LRRC20: variants seen among roughly 807,000 people sequenced by gnomAD.
LRRC20 encodes leucine-rich repeat-containing protein 20.
In LRRC20, 11 loss-of-function variants were observed where a neutral mutation model predicts 14.4. That is an observed-to-expected ratio of 0.77 (90% CI 0.48 to 1.27). LRRC20 has a LOEUF of 1.27. Ranked by LOEUF, LRRC20 falls within the 50% of genes most tolerant of loss-of-function variation. The probability of loss-of-function intolerance (pLI) is 0.00; values close to 1 mark genes in which losing one functional copy is unlikely to be tolerated. For synonymous variants in LRRC20, 121 were observed against 107.3 expected, an observed-to-expected ratio of 1.13 and a Z score of -0.79; for missense variants, 219 against 251.2, an observed-to-expected ratio of 0.87 and a Z score of 0.87.
chr10:70,366,097 A>G (rs1843986766), intron 2 of LRRC20, among the ~76,000 whole-genome samples: 1 of 149,422 alleles, frequency 6.7e-6, no homozygotes, highest in Admixed American at 6.7e-5. Flanking sequence ...CAACAACAAA[A>G]AACGAATGGA....
chr10:70,313,912 C>G lies in LRRC20; in HGVS notation c.400+9951G>C, dbSNP rs1430830461. Among the ~76,000 whole-genome samples, 3 of 152,118 alleles carry G rather than the reference C, an allele frequency of 2.0e-5. No homozygotes were observed. The East Asian group carries it at 5.8e-4, about 29-fold the overall frequency. ...GGTATATTAGTCCATTTTTAGGCTG[C>G]TGATAAAGACATACCAGAGGCTGGG... On this transcript the variant is annotated intron_variant, in intron 4 of 4. Transcript: ENST00000446961.
chr10:70,333,744 T>C (rs1227404454), intron 3 of LRRC20, among the ~76,000 whole-genome samples: 4 of 152,224 alleles, frequency 2.6e-5, no homozygotes, highest in Non-Finnish European at 5.9e-5. Flanking sequence ...TGGTACCAGG[T>C]AGGAACTCTT....
intron 4 of LRRC20, among the ~76,000 whole-genome samples, chr10:70,321,829 A>T (rs1421323049): frequency 6.6e-6 from 1 of 152,148 alleles, no homozygotes; most frequent in African/African-American, 2.4e-5. Flanking sequence ...ACCTGTGTCA[A>T]GGGGAGACCA....
intron 4 of LRRC20, among the ~76,000 whole-genome samples, chr10:70,316,526 G>A (rs768414911): frequency 1.8e-4 from 27 of 152,382 alleles, no homozygotes; most frequent in South Asian, 1.0e-3. Context: ...ACAGTTGGAG[G>A]TTTTGGTTCA....
chr10:70,344,888 A>G (rs1457448956), intron 2 of LRRC20, among the ~76,000 whole-genome samples: 1 of 152,206 alleles, frequency 6.6e-6, no homozygotes, highest in Non-Finnish European at 1.5e-5. Context: ...TTTTAAAAAT[A>G]GTTTTGTATG....
chr10:70,346,955 G>A (rs754949212), intron 2 of LRRC20, among the ~76,000 whole-genome samples: 4 of 152,212 alleles, frequency 2.6e-5, no homozygotes, highest in South Asian at 4.1e-4. Flanking sequence ...GCGTGATCTC[G>A]GCTCACTGCT....
chr10:70,302,804 A>G (rs1008507451), intron 4 of LRRC20, among the ~76,000 whole-genome samples: 3 of 149,646 alleles, frequency 2.0e-5, no homozygotes, highest in East Asian at 2.0e-4. Context: ...TCCGCCTCCC[A>G]GGTTCACGCC....
rs1313932694 is a variant in LRRC20, at chr10:70,300,399, G to A, written c.*955C>T. ...GGCCTCAGAAGAACCAGGTCATCAG[G>A]GCTTTGGGCGTTGGCCTGGGAGCTG... On this transcript the variant is annotated 3_prime_UTR_variant, in exon 5 of 5. Transcript: ENST00000446961. 9.1e-6 allele frequency: 9 copies of A among 985,496 alleles called. No homozygotes were observed. The highest frequency in any genetic ancestry group is 9.6e-6 in the Non-Finnish European group (8 of 829,976). The allele number at this position is 985,496 out of a possible 1,614,324, so 61.0% of individuals were successfully genotyped here.
intron 3 of LRRC20, among the ~76,000 whole-genome samples, chr10:70,329,046 C>T (rs1842434221): frequency 6.6e-6 from 1 of 152,182 alleles, no homozygotes; most frequent in Non-Finnish European, 1.5e-5. Context: ...AACTGTGACA[C>T]ATGGATTGCA....
intron 3 of LRRC20, among the ~76,000 whole-genome samples, chr10:70,325,204 G>A (rs1465997033): frequency 6.6e-6 from 1 of 152,206 alleles, no homozygotes; most frequent in Non-Finnish European, 1.5e-5. Context: ...CTCATGATCA[G>A]AAGGGCCCCG....
At chr10:70,375,596 A>G (rs1001252287) in intron 2 of LRRC20, among the ~76,000 whole-genome samples, 1 of 152,032 alleles carries the variant, frequency 6.6e-6, no homozygotes, top group East Asian at 1.9e-4. Flanking sequence ...ACACACCCCT[A>G]CCTGCCTGTG....
intron 3 of LRRC20, among the ~76,000 whole-genome samples, chr10:70,324,282 G>A (rs1842229602): frequency 6.6e-6 from 1 of 152,230 alleles, no homozygotes; most frequent in African/African-American, 2.4e-5. Context: ...CTTTGGAATG[G>A]AAGGCTCTCC....
intron 4 of LRRC20, among the ~76,000 whole-genome samples, chr10:70,310,830 C>T (rs1841626732): frequency 6.6e-6 from 1 of 152,222 alleles, no homozygotes; most frequent in African/African-American, 2.4e-5. Flanking sequence ...AGGGCCAGGC[C>T]TCTGTGGACC....
chr10:70,318,220 G>T (rs10999266), intron 4 of LRRC20, among the ~76,000 whole-genome samples: 1 of 152,124 alleles, frequency 6.6e-6, no homozygotes, highest in East Asian at 1.9e-4. Flanking sequence ...TCAGAAAGCC[G>T]GGGGTCAGGG....
intron 3 of LRRC20, among the ~76,000 whole-genome samples, chr10:70,339,234 G>C (rs1842823459): frequency 6.6e-6 from 1 of 152,198 alleles, no homozygotes; most frequent in Non-Finnish European, 1.5e-5. Flanking sequence ...GATTCCAAAG[G>C]GACTTGTGGA....
intron 1 of LRRC20, among the ~76,000 whole-genome samples, chr10:70,380,327 G>T (rs938062988): frequency 2.0e-5 from 3 of 152,222 alleles, no homozygotes; most frequent in Non-Finnish European, 2.9e-5. Flanking sequence ...ACCCCCAAAA[G>T]GTTCCCGCTG....
intron 4 of LRRC20, among the ~76,000 whole-genome samples, chr10:70,319,344 C>T (rs941356864): frequency 2.0e-5 from 3 of 152,184 alleles, no homozygotes; most frequent in Non-Finnish European, 4.4e-5. Context: ...GCACCAAGTA[C>T]CGGTGAGCAC....
At chr10:70,320,312 T>C (rs556623356) in intron 4 of LRRC20, among the ~76,000 whole-genome samples, 2 of 147,828 alleles carry the variant, frequency 1.4e-5, no homozygotes, top group African/African-American at 5.0e-5. Flanking sequence ...GATAGATAGA[T>C]AGATAGATAG....
At chr10:70,334,943 T>G (rs1444197721) in intron 3 of LRRC20, among the ~76,000 whole-genome samples, 2 of 152,148 alleles carry the variant, frequency 1.3e-5, no homozygotes, top group Admixed American at 6.5e-5. Context: ...TGGAGAGCCC[T>G]GTGGTGAGGG....
Sources: allele counts gnomAD v4.1 joint callset (sites outside exome capture counted in the v4.1 genomes callset), GRCh38; gene constraint gnomAD v4.1.1; transcripts MANE v1.5; gene names NCBI Gene and HGNC (gene_info 2026-07-23, HGNC 2026-07-21).